TGFBI: variants seen among roughly 807,000 people sequenced by gnomAD.
TGFBI encodes transforming growth factor-beta-induced protein ig-h3.
Under a neutral mutation model 73.7 loss-of-function variants are expected in TGFBI, and 50 were observed. The observed-to-expected ratio is 0.68, with a 90% CI of 0.54 to 0.86. TGFBI has a LOEUF of 0.86. Among genes scored for constraint, TGFBI ranks in the 40% least tolerant of loss-of-function variants. TGFBI has a pLI of 0.00. For missense variants in TGFBI, 839 were observed against 877.0 expected (o/e 0.96, Z 0.55); for synonymous variants, 362 against 360.5 (o/e 1.00, Z -0.05).
intron 7 of TGFBI, among the ~76,000 whole-genome samples, chr5:136,051,667 G>A (rs1043311057): frequency 2.6e-5 from 4 of 152,168 alleles, no homozygotes; most frequent in African/African-American, 7.2e-5. Flanking sequence ...GCAGGCAGGC[G>A]AGAAGCAGCC....
chr5:136,052,988 G>A lies in TGFBI; in HGVS notation c.995G>A (p.Gly332Asp). ...VAGLSVETLE[G>D]TTLEVGCSGD... ...GGGCTGTCTGTAGAGACCCTGGAGG[G>A]CACGACACTGGAGGTGGGCTGCAGC... Residue 332 changes from glycine to aspartate, a missense_variant, in exon 8 of 17, where the codon GGC becomes GAC. Physicochemically the swap from Gly to Asp is moderately conservative, Grantham distance 94. Coordinates refer to ENST00000442011, the MANE Select transcript of TGFBI (RefSeq NM_000358.3). 1.9e-6 allele frequency: 3 copies of A among 1,614,036 alleles called. No individual in the cohort carries two copies. Among genetic ancestry groups the A allele is most frequent in the Non-Finnish European group, 2.5e-6 (3 of 1,179,888 alleles).
Position 136,059,232 on chromosome 5 carries a change from CA to C in TGFBI, c.1803+21del. The C allele has an allele frequency of 6.2e-7, 1 of 1,606,806 alleles. No homozygotes were observed. The highest frequency in any genetic ancestry group is 8.5e-7 in the Non-Finnish European group (1 of 1,177,654). Reference sequence around the variant, plus strand: ...TCAGCTTGGTAAGTGTCCTGCAAATCAAAGGCTGGCTAAATTTCCCCAGGGC... The same window carrying C: ...TCAGCTTGGTAAGTGTCCTGCAAATCAAGGCTGGCTAAATTTCCCCAGGGC... On this transcript the variant is annotated intron_variant, in intron 13 of 16. Coordinates refer to ENST00000442011, the MANE Select transcript of TGFBI (RefSeq NM_000358.3).
In TGFBI at chr5:136,056,757, T is replaced by A; in HGVS notation, c.1640T>A (p.Phe547Tyr). ...GTCTTTGCTCCCACAAATGAAGCCTTCCGAGCCCTGCCACCAAGAGAACGG... is the reference window on the plus strand; with the variant it reads ...GTCTTTGCTCCCACAAATGAAGCCTACCGAGCCCTGCCACCAAGAGAACGG... ...YTVFAPTNEA[F>Y]RALPPRERSR... Residue 547 changes from phenylalanine to tyrosine, a missense_variant, in exon 12 of 17, where the codon TTC becomes TAC. Coordinates refer to ENST00000442011, the MANE Select transcript of TGFBI (RefSeq NM_000358.3). 3 of 1,613,874 alleles carry A rather than the reference T, an allele frequency of 1.9e-6. No homozygotes were observed. The highest frequency in any genetic ancestry group is 2.5e-6 in the Non-Finnish European group (3 of 1,179,866).
chr5:136,062,525 A>G (rs1012055932), intron 15 of TGFBI, 138 bp from the exon 16 acceptor site: 6 of 869,586 alleles, frequency 6.9e-6, no homozygotes, highest in Non-Finnish European at 1.1e-5. Flanking sequence ...CCTGGTGCCT[A>G]TAAGTTCCAC....
At chr5:136,029,479 C>T (rs1362401843) in intron 1 of TGFBI, among the ~76,000 whole-genome samples, 1 of 152,186 alleles carries the variant, frequency 6.6e-6, no homozygotes, top group Non-Finnish European at 1.5e-5. Flanking sequence ...ACAGCGCTTT[C>T]AGCTTCTCCT....
intron 3 of TGFBI, among the ~76,000 whole-genome samples, chr5:136,044,614 G>A (rs1043762743): frequency 6.6e-6 from 1 of 152,272 alleles, no homozygotes; most frequent in African/African-American, 2.4e-5. Flanking sequence ...GTAGGGAGAA[G>A]AGCCATAGGC....
chr5:136,029,280 G>A, intron 1 of TGFBI, 91 bp downstream of exon 1: 1 of 1,334,892 alleles, frequency 7.5e-7, no homozygotes, highest in Middle Eastern at 2.7e-4. Flanking sequence ...TGGGCTGGGG[G>A]CGCAGGGGAC....
intron 3 of TGFBI, chr5:136,044,783 G>A (rs1751399025): frequency 2.6e-5 from 4 of 152,216 alleles, no homozygotes; most frequent in Admixed American, 1.3e-4. Context: ...TTGAAATAGA[G>A]TCATCTTTTG....
chr5:136,039,757 T>C (rs1751296576), intron 2 of TGFBI, among the ~76,000 whole-genome samples: 1 of 152,202 alleles, frequency 6.6e-6, no homozygotes, highest in African/African-American at 2.4e-5. Context: ...GTGAGGGCTG[T>C]AGTGGTTGAG....
chr5:136,036,312 T>C (rs896980234), intron 2 of TGFBI, among the ~76,000 whole-genome samples: 16 of 152,200 alleles, frequency 1.1e-4, no homozygotes, highest in Non-Finnish European at 1.5e-5. Context: ...CAGAAGGATA[T>C]GACATTTACA....
intron 2 of TGFBI, among the ~76,000 whole-genome samples, chr5:136,040,505 G>C (rs1056342212): frequency 6.6e-6 from 1 of 152,182 alleles, no homozygotes; most frequent in African/African-American, 2.4e-5. Context: ...TCTAATGCCC[G>C]ATGGTCTGAG....
chr5:136,034,885 T>C (rs1253275397), intron 2 of TGFBI, among the ~76,000 whole-genome samples: 4 of 152,356 alleles, frequency 2.6e-5, no homozygotes, highest in Admixed American at 1.3e-4. Context: ...AGCCACTCTC[T>C]TAAGCACTTT....
At chr5:136,032,235 C>T (rs1176006256) in intron 1 of TGFBI, among the ~76,000 whole-genome samples, 1 of 152,174 alleles carries the variant, frequency 6.6e-6, no homozygotes, top group East Asian at 1.9e-4. Flanking sequence ...GTGGTCCCTT[C>T]TCCAGCCTTC....
chr5:136,049,373 G>A (rs1751491208), intron 6 of TGFBI, 66 bp from the exon 7 acceptor site: 3 of 1,578,046 alleles, frequency 1.9e-6, no homozygotes, highest in East Asian at 4.5e-5. Flanking sequence ...GTGAAGCTGT[G>A]TGTGCATCTT....
At chr5:136,057,572 C>T (rs574168476) in intron 12 of TGFBI, among the ~76,000 whole-genome samples, 4 of 151,652 alleles carry the variant, frequency 2.6e-5, no homozygotes, top group South Asian at 4.2e-4. Context: ...ACGATGGGGG[C>T]GGGGGGAGCA....
At position 136,061,171 on chromosome 5, in the gene TGFBI, C is replaced by G. The variant is rs141973145; in HGVS notation, c.1906+235C>G. 4.3e-5 allele frequency: 25 copies of G among 580,940 alleles called. No individual in the cohort carries two copies. The East Asian group carries it at 5.7e-4, about 13-fold the overall frequency. The allele number at this position is 580,940 out of a possible 1,614,324, so 36.0% of individuals were successfully genotyped here. ...CGGAGTTGCCCAGCTATATTAGCTC[C>G]CCTCGGACACAGCCCAGTTTTCTGT... is the stretch of plus-strand genomic sequence containing the variant. On this transcript the variant is annotated intron_variant, in intron 14 of 16. Coordinates refer to ENST00000442011, the MANE Select transcript of TGFBI (RefSeq NM_000358.3).
At chr5:136,033,733 T>C in intron 1 of TGFBI, 30 bp from the exon 2 acceptor site, 1 of 1,598,080 alleles carries the variant, frequency 6.3e-7, no homozygotes, top group African/African-American at 1.3e-5. Context: ...GTGCTGATCA[T>C]CTTCCTAATT....
chr5:136,055,628 C>T, intron 10 of TGFBI, 52 bp from the exon 11 acceptor site: 6 of 1,488,064 alleles, frequency 4.0e-6, no homozygotes, highest in Non-Finnish European at 4.5e-6. Flanking sequence ...ATCAGGAGGC[C>T]CCTCGTGGAA....
intron 10 of TGFBI, chr5:136,055,130 C>T (rs909348165): frequency 2.3e-6 from 1 of 430,872 alleles, no homozygotes; most frequent in South Asian, 2.9e-5. Context: ...CAGGAATTAA[C>T]ACCTGGGAGG....
Sources: allele counts gnomAD v4.1 joint callset (sites outside exome capture counted in the v4.1 genomes callset), GRCh38; gene constraint gnomAD v4.1.1; transcripts MANE v1.5; gene names NCBI Gene and HGNC (gene_info 2026-07-23, HGNC 2026-07-21).